OGG1: variants seen among roughly 807,000 people sequenced by gnomAD.
OGG1 encodes the protein N-glycosylase/DNA lyase.
In OGG1, 35 loss-of-function variants were observed where a neutral mutation model predicts 42.3. The ratio of observed to expected loss-of-function variants is 0.83; its 90% CI spans 0.63 to 1.10. OGG1 has a LOEUF of 1.10. Among genes scored for constraint, OGG1 ranks in the 50% least tolerant of loss-of-function variants. The pLI, the probability that OGG1 is intolerant of heterozygous loss-of-function variation, is 0.00. For synonymous variants in OGG1, 189 were observed against 179.0 expected (o/e 1.06, Z -0.44); for missense variants, 484 against 446.7 (o/e 1.08, Z -0.75).
chr3:9,768,462 G>A (rs2078217261), downstream of OGG1, among the ~76,000 whole-genome samples: 1 of 152,202 alleles, frequency 6.6e-6, no homozygotes, highest in Non-Finnish European at 1.5e-5. Flanking sequence ...TTCCTCTGCT[G>A]AGGTCTGTCT....
intron 3 of OGG1, chr3:9,787,303 G>A: frequency 6.2e-7 from 1 of 1,613,938 alleles, no homozygotes; most frequent in South Asian, 1.1e-5. Context: ...GTCCTCCTGG[G>A]CCCAGCGCTG....
downstream of OGG1, chr3:9,789,365 G>A (rs1309759963): frequency 5.7e-6 from 4 of 698,140 alleles, no homozygotes; most frequent in Middle Eastern, 4.1e-4. Flanking sequence ...TTGGGCCTAG[G>A]TGTCTGGAGG....
downstream of OGG1, among the ~76,000 whole-genome samples, chr3:9,788,475 G>A (rs1400366421): frequency 6.6e-6 from 1 of 150,846 alleles, no homozygotes; most frequent in Non-Finnish European, 1.5e-5. Context: ...TCAATCTCCT[G>A]ACCTTGTGAT....
In OGG1 at chr3:9,780,666, T is replaced by C. The variant is rs77279331; in HGVS notation, c.295-847T>C. 38 of 1,101,236 alleles carry C rather than the reference T, an allele frequency of 3.5e-5. No individual in the cohort carries two copies. In the Admixed American group the frequency reaches 8.8e-4, roughly 26 times the overall value. The allele number at this position is 1,101,236 out of a possible 1,614,324, so 68.2% of individuals were successfully genotyped here. ...GCTGGCATGCCTGTGGATTGTGTCATACAGTCGTGACCAAAAAGCAGTTAC... is the reference window on the plus strand; with the variant it reads ...GCTGGCATGCCTGTGGATTGTGTCACACAGTCGTGACCAAAAAGCAGTTAC... On this transcript the variant is annotated intron_variant, in intron 2 of 3. Coordinates refer to the OGG1 transcript ENST00000426518.
intron 2 of OGG1, among the ~76,000 whole-genome samples, chr3:9,777,294 CTT>C (rs1303994541): frequency 6.6e-6 from 1 of 152,178 alleles, no homozygotes; most frequent in African/African-American, 2.4e-5. Context: ...AATTTGGAGA[CTT>C]GAGGTACTGG....
At chr3:9,775,238 C>CAA (rs1222209779) in intron 2 of OGG1, among the ~76,000 whole-genome samples, 1 of 149,604 alleles carries the variant, frequency 6.7e-6, no homozygotes, top group African/African-American at 2.5e-5. Flanking sequence ...GACCCTGTCT[C>CAA]AAAAAAAAAC....
chr3:9,767,803 G>A, downstream of OGG1: 1 of 1,608,506 alleles, frequency 6.2e-7, no homozygotes, highest in South Asian at 1.1e-5. Context: ...ATGGAAGGAG[G>A]AGACTCAGCA....
chr3:9,789,585 G>C (rs1204177757), downstream of OGG1: 1 of 1,614,162 alleles, frequency 6.2e-7, no homozygotes, highest in Admixed American at 1.7e-5. Context: ...GGTGATGTCA[G>C]CACAGTAGGG....
downstream of OGG1, chr3:9,790,018 C>G (rs540749142): frequency 3.9e-6 from 6 of 1,524,230 alleles, no homozygotes; most frequent in African/African-American, 6.9e-5. Context: ...CAGAATATCT[C>G]TTTCCTCTAG....
Position 9,750,959 on chromosome 3 carries a change from G to C in OGG1, c.152G>C (p.Ser51Thr), listed in dbSNP as rs147083396. 50 of 1,613,978 alleles carry C rather than the reference G, an allele frequency of 3.1e-5. No homozygotes were observed. In the African/African-American group the frequency reaches 5.9e-4, roughly 19 times the overall value. Residue 51 changes from serine to threonine, a missense_variant, in exon 2 of 7, where the codon AGT becomes ACT. Ser to Thr is a moderately conservative substitution (Grantham distance 58). Coordinates refer to ENST00000344629, the MANE Select transcript of OGG1 (RefSeq NM_002542.6). Reference protein sequence around the residue: ...SGQSFRWREQSPAHWSGVLAD... With the variant: ...SGQSFRWREQTPAHWSGVLAD... ...CTTGGGCTCAGGTGGAGGGAGCAAAGTCCTGCACACTGGAGTGGTGTACTA... is the reference window on the plus strand; with the variant it reads ...CTTGGGCTCAGGTGGAGGGAGCAAACTCCTGCACACTGGAGTGGTGTACTA...
At chr3:9,779,163 CAG>C (rs2078405484) in intron 2 of OGG1, among the ~76,000 whole-genome samples, 1 of 152,180 alleles carries the variant, frequency 6.6e-6, no homozygotes, top group East Asian at 1.9e-4. Flanking sequence ...GTTTCCTACT[CAG>C]ATCTTGTTGG....
chr3:9,759,835 TG>T (rs1559695361), downstream of OGG1: 3 of 1,609,108 alleles, frequency 1.9e-6, no homozygotes, highest in African/African-American at 4.0e-5. Flanking sequence ...CCCTCAGGTC[TG>T]GCCTGGCATC....
chr3:9,768,754 T>C (rs551419734), downstream of OGG1, among the ~76,000 whole-genome samples: 1 of 152,308 alleles, frequency 6.6e-6, no homozygotes, highest in South Asian at 2.1e-4. Context: ...GAGAGCACTT[T>C]CCTTCTCTCT....
chr3:9,761,563 G>A, downstream of OGG1: 6 of 1,613,244 alleles, frequency 3.7e-6, no homozygotes, highest in Non-Finnish European at 5.1e-6. Context: ...ACGTGGTGGT[G>A]ACAAATCTCT....
intron 3 of OGG1, among the ~76,000 whole-genome samples, chr3:9,752,606 G>A (rs2077358796): frequency 6.6e-6 from 1 of 151,618 alleles, no homozygotes; most frequent in Non-Finnish European, 1.5e-5. Flanking sequence ...AAGAACACGT[G>A]TGTTCTTCAC....
In OGG1 at chr3:9,757,016, A is replaced by C; in HGVS notation, c.949-45A>C. ...ACTGTCACTAGTCTCACCAGCCCTG[A>C]CCCCAGTGTACCCTCCTCCCCACAC... is the stretch of plus-strand genomic sequence containing the variant. On this transcript the variant is annotated intron_variant, in intron 6 of 6. Coordinates refer to ENST00000344629, the MANE Select transcript of OGG1 (RefSeq NM_002542.6). The surrounding 1 kb of genome is among the most constrained non-coding windows in gnomAD (Gnocchi z 4.5). 1 of 1,613,204 alleles carries C rather than the reference A, an allele frequency of 6.2e-7. No homozygotes were observed. The highest frequency in any genetic ancestry group is 8.5e-7 in the Non-Finnish European group (1 of 1,179,930).
downstream of OGG1, chr3:9,758,683 G>A (rs181579978): frequency 4.8e-4 from 80 of 167,546 alleles, 1 homozygote; most frequent in East Asian, 0.014. Flanking sequence ...AGGCTGGAGT[G>A]CAGTGGCGCG....
chr3:9,761,903 C>T (rs9822279), downstream of OGG1: 11,437 of 1,351,952 alleles, frequency 8.5e-3, 726 homozygotes, highest in African/African-American at 0.14. Context: ...ATCAAGGAAG[C>T]TCTCAAGAAG....
chr3:9,786,408 TAA>T (rs2078612812), intron 3 of OGG1, among the ~76,000 whole-genome samples: 1 of 152,192 alleles, frequency 6.6e-6, no homozygotes. Flanking sequence ...TTCCATGAGA[TAA>T]ACTCTTGTGT....
Sources: allele counts gnomAD v4.1 joint callset (sites outside exome capture counted in the v4.1 genomes callset), GRCh38; gene constraint gnomAD v4.1.1; non-coding constraint Gnocchi (gnomAD v3.1); transcripts MANE v1.5; gene names NCBI Gene and HGNC (gene_info 2026-07-23, HGNC 2026-07-21).